AKAP12: variants seen among roughly 807,000 people sequenced by gnomAD.
AKAP12 encodes the protein A-kinase anchoring protein 12, also known as A-kinase anchor protein 12.
Under a neutral mutation model 79.9 loss-of-function variants are expected in AKAP12, and 32 were observed. The ratio of observed to expected loss-of-function variants is 0.40; its 90% CI spans 0.30 to 0.54. The LOEUF (loss-of-function observed/expected upper bound fraction) is 0.54. Ranked by LOEUF, AKAP12 falls within the 20% of genes least tolerant of loss-of-function variation. The pLI, the probability that AKAP12 is intolerant of heterozygous loss-of-function variation, is 0.48. For missense variants in AKAP12, 2,074 were observed against 2,177.0 expected, an observed-to-expected ratio of 0.95 and a Z score of 0.94; for synonymous variants, 808 against 857.0, an observed-to-expected ratio of 0.94 and a Z score of 1.00.
Position 151,349,138 on chromosome 6 carries a change from C to A in AKAP12, c.747C>A (p.His249Gln). The change falls in exon 4 of 5, where the codon CAC becomes CAA. Residue 249 changes from histidine (H) to glutamine (Q), a missense_variant. This residue lies in a region of AKAP12 where 1,428 missense variants were observed against 1,451.0 expected (regional missense o/e 0.98). Coordinates refer to ENST00000402676, the MANE Select transcript of AKAP12 (RefSeq NM_005100.4). ...PEETLKREQS[H>Q]AEISPPAESG... Reference sequence around the variant, plus strand: ...AGACCCTGAAGCGTGAGCAAAGCCACGCAGAAATTTCTCCCCCAGCCGAAT... The same window carrying A: ...AGACCCTGAAGCGTGAGCAAAGCCAAGCAGAAATTTCTCCCCCAGCCGAAT... 1 of 1,613,740 alleles carries A rather than the reference C, an allele frequency of 6.2e-7. No individual in the cohort carries two copies. Among genetic ancestry groups the A allele is most frequent in the Middle Eastern group, 1.7e-4 (1 of 6,060 alleles).
chr6:151,303,868 A>G lies in AKAP12; in HGVS notation c.163-1879A>G, dbSNP rs148454389. 3.4e-3 allele frequency among the ~76,000 whole-genome samples: 519 copies of G among 152,286 alleles called. 1 individual carries two copies. Among genetic ancestry groups the G allele is most frequent in the African/African-American group, 0.012 (493 of 41,556 alleles). On this transcript the variant is annotated intron_variant, in intron 2 of 4. Coordinates refer to ENST00000402676, the MANE Select transcript of AKAP12 (RefSeq NM_005100.4). ...TGTGTAGTAACAGGACCTTCAAAACATGGCACCTATCTTTATGTTGAGAGC... is the reference window on the plus strand; with the variant it reads ...TGTGTAGTAACAGGACCTTCAAAACGTGGCACCTATCTTTATGTTGAGAGC...
At position 151,240,624 on chromosome 6, in the gene AKAP12, C is replaced by T; in HGVS notation, c.62C>T (p.Thr21Met). Residue 21 changes from threonine to methionine, a missense_variant, in exon 2 of 5, where the codon ACG becomes ATG. Physicochemically the swap from Thr to Met is moderately conservative, Grantham distance 81. Around this residue, in one of 3 missense-constraint regions of AKAP12, gnomAD observed 1,428 missense variants for 1,451.0 expected, o/e 0.98. Transcript: ENST00000402676. ...SPEQPPEGSSTPAEPEPSGGG... is the reference protein window; with the variant it reads ...SPEQPPEGSSMPAEPEPSGGG... Reference sequence around the variant, plus strand: ...GAGCAGCCGCCCGAGGGGAGCTCCACGCCGGCTGAGCCCGAGCCCAGCGGC... The same window carrying T: ...GAGCAGCCGCCCGAGGGGAGCTCCATGCCGGCTGAGCCCGAGCCCAGCGGC... 2 of 1,389,192 alleles carry T rather than the reference C, an allele frequency of 1.4e-6. No homozygotes were observed. Among genetic ancestry groups the T allele is most frequent in the Admixed American group, 3.3e-5 (1 of 30,526 alleles). The allele number at this position is 1,389,192 out of a possible 1,614,324, so 86.1% of individuals were successfully genotyped here.
chr6:151,316,953 A>G (rs1777250467), intron 3 of AKAP12, among the ~76,000 whole-genome samples: 1 of 152,164 alleles, frequency 6.6e-6, no homozygotes, highest in South Asian at 2.1e-4. Flanking sequence ...TCCTGTTCTT[A>G]TTAGGGCCCA....
At chr6:151,272,493 T>TGATAGATAGATAGATAGATAGATA (rs76256853) in intron 2 of AKAP12, among the ~76,000 whole-genome samples, 1 of 144,256 alleles carries the variant, frequency 6.9e-6, no homozygotes. Context: ...TTTCATGAGA[T>TGATAGATAGATAGATAGATAGATA]GATAGATAGA....
intron 2 of AKAP12, among the ~76,000 whole-genome samples, chr6:151,257,372 C>T (rs1435006243): frequency 6.6e-6 from 1 of 152,180 alleles, no homozygotes; most frequent in African/African-American, 2.4e-5. Context: ...TCTCAACTCA[C>T]TGAAACCTCT....
At chr6:151,344,007 T>C in intron 3 of AKAP12, 1 of 424,972 alleles carries the variant, frequency 2.4e-6, no homozygotes, top group South Asian at 1.8e-5. Flanking sequence ...GTCTGGACTT[T>C]CTCTTTGAAT....
chr6:151,345,503 G>A (rs1778067694), intron 3 of AKAP12, among the ~76,000 whole-genome samples: 1 of 151,558 alleles, frequency 6.6e-6, no homozygotes, highest in African/African-American at 2.4e-5. Context: ...GTCCTATATA[G>A]AAAATTAGAG....
intron 2 of AKAP12, among the ~76,000 whole-genome samples, chr6:151,268,497 A>G (rs986423783): frequency 6.6e-6 from 1 of 152,224 alleles, no homozygotes; most frequent in Non-Finnish European, 1.5e-5. Flanking sequence ...CTTGGCAGCT[A>G]TATAAAACTA....
At chr6:151,340,349 T>C (rs564491507) in intron 3 of AKAP12, among the ~76,000 whole-genome samples, 178 of 151,914 alleles carry the variant, frequency 1.2e-3, no homozygotes, top group African/African-American at 4.1e-3. Context: ...CAATTATGCA[T>C]AAAGTTGCTG....
chr6:151,302,125 C>T (rs1776875690), intron 2 of AKAP12, among the ~76,000 whole-genome samples: 1 of 151,894 alleles, frequency 6.6e-6, no homozygotes, highest in Non-Finnish European at 1.5e-5. Flanking sequence ...ATTCTCCTGC[C>T]TCAGCTTCCC....
chr6:151,240,540 C>T lies in AKAP12; in HGVS notation c.-23C>T. ...GGGAAGGCGTAACCCGGCGGCTAGG[C>T]GCGGGAGAAGTGCGGAGGAGCCATG... On this transcript the variant is annotated 5_prime_UTR_variant, in exon 2 of 5. Transcript: ENST00000402676. The T allele has an allele frequency of 1.4e-6, 2 of 1,420,418 alleles. No homozygotes were observed. The highest frequency in any genetic ancestry group is 1.8e-6 in the Non-Finnish European group (2 of 1,093,524). The allele number at this position is 1,420,418 out of a possible 1,614,324, so 88.0% of individuals were successfully genotyped here. A position where few individuals can be genotyped will look rare whatever the true frequency, so the allele number is the denominator to read the frequency against.
chr6:151,343,344 G>C (rs1487255272), intron 3 of AKAP12, among the ~76,000 whole-genome samples: 1 of 152,126 alleles, frequency 6.6e-6, no homozygotes, highest in East Asian at 1.9e-4. Flanking sequence ...ATTTATGTTT[G>C]TATTCTGTAC....
intron 2 of AKAP12, among the ~76,000 whole-genome samples, chr6:151,241,571 T>A (rs1231902658): frequency 6.6e-6 from 1 of 152,156 alleles, no homozygotes; most frequent in Non-Finnish European, 1.5e-5. Context: ...GCTGGAATAT[T>A]TCTTGTGGGC....
intron 2 of AKAP12, among the ~76,000 whole-genome samples, chr6:151,273,898 G>T (rs187669029): frequency 6.6e-6 from 1 of 151,862 alleles, no homozygotes; most frequent in African/African-American, 2.4e-5. Context: ...GTATGGTGGC[G>T]TGCGCCTGTA....
Position 151,352,622 on chromosome 6 carries a change from C to G in AKAP12, c.4231C>G (p.Gln1411Glu). 1 of 1,614,150 alleles carries G rather than the reference C, an allele frequency of 6.2e-7. No homozygotes were observed. Among genetic ancestry groups the G allele is most frequent in the Non-Finnish European group, 8.5e-7 (1 of 1,180,036 alleles). Residue 1411 changes from glutamine (Q) to glutamate (E), a missense_variant, in exon 4 of 5, where the codon CAA (glutamine) becomes GAA (glutamate). Gln to Glu is a conservative substitution (Grantham distance 29). Transcript: ENST00000402676. ...AGAGGAGGCAGTATGCACCAAAATTCAAGTTCAGAGCTCTGAGGCATCATT... is the reference window on the plus strand; with the variant it reads ...AGAGGAGGCAGTATGCACCAAAATTGAAGTTCAGAGCTCTGAGGCATCATT... ...GQEEAVCTKI[Q>E]VQSSEASFTL... is the part of the protein sequence containing the mutation.
At position 151,252,732 on chromosome 6, in the gene AKAP12, G is replaced by GGAAAA. The variant is rs1357356762; in HGVS notation, c.162+12008_162+12009insGAAAA. 3.8e-3 allele frequency among the ~76,000 whole-genome samples: 362 copies of GGAAAA among 95,786 alleles called. 3 individuals carry two copies. The highest frequency in any genetic ancestry group is 0.012 in the African/African-American group (305 of 24,948). 62.8% of individuals were successfully genotyped at this position (95,786 alleles called of 152,430 possible). On this transcript the variant is annotated intron_variant, in intron 2 of 4. Transcript: ENST00000402676. The stretch of plus-strand genomic sequence containing the variant: ...AAGATACCAAGACCCCTGTCTCTGG[G>GGAAAA]AAAAAAAAAAAAAAAAAAAAAAGAT...
chr6:151,274,760 G>C (rs2114716269), intron 2 of AKAP12, among the ~76,000 whole-genome samples: 1 of 152,270 alleles, frequency 6.6e-6, no homozygotes, highest in East Asian at 1.9e-4. Context: ...AGGCATTTTT[G>C]AGAAAACCTC....
chr6:151,323,960 G>T, intron 3 of AKAP12: 1 of 985,308 alleles, frequency 1.0e-6, no homozygotes, highest in Non-Finnish European at 1.2e-6. Flanking sequence ...TATTAATGTA[G>T]ACCCTGATGC....
chr6:151,294,117 G>A (rs922081499), intron 2 of AKAP12, among the ~76,000 whole-genome samples: 4 of 152,056 alleles, frequency 2.6e-5, no homozygotes, highest in Middle Eastern at 3.3e-3. Context: ...GGGACTACAG[G>A]CGAGTGCCAC....
Sources: gnomAD v4.1 joint callset for allele counts (sites outside exome capture counted in the v4.1 genomes callset) on GRCh38, gnomAD v4.1.1 for gene constraint, gnomAD v4.1.1 regional missense constraint, MANE v1.5 for transcripts, NCBI Gene and HGNC (gene_info 2026-07-23, HGNC 2026-07-21) for gene names.